The following AIDA variants were observed in gnomAD, a reference collection of about 807,000 sequenced individuals.
The protein encoded by AIDA is axin interactor, dorsalization associated, also known as axin interactor, dorsalization-associated protein.
AIDA carries 18 observed loss-of-function variants against 42.7 expected under a neutral mutation model. The ratio of observed to expected loss-of-function variants is 0.42; its 90% CI spans 0.29 to 0.63. The LOEUF is 0.63. AIDA is among the 20% of genes least tolerant of loss of function. AIDA has a pLI of 0.19. For synonymous variants in AIDA, 104 were observed against 122.9 expected, an observed-to-expected ratio of 0.85 and a Z score of 1.02; for missense variants, 250 against 354.1, an observed-to-expected ratio of 0.71 and a Z score of 2.36.
intron 2 of AIDA, among the ~76,000 whole-genome samples, chr1:222,702,240 T>C (rs1655729600): frequency 6.6e-6 from 1 of 152,194 alleles, no homozygotes; most frequent in East Asian, 1.9e-4. Context: ...AAAATGGATG[T>C]TGTTAGGCTT....
chr1:222,689,481 G>GTGTATGTGTA (rs1253190601), intron 4 of AIDA, among the ~76,000 whole-genome samples: 7 of 35,330 alleles, frequency 2.0e-4, no homozygotes, highest in African/African-American at 5.2e-4. Flanking sequence ...GTGTGTGTGT[G>GTGTATGTGTA]TATATATATA....
At chr1:222,710,646 C>G (rs760548423) in intron 1 of AIDA, among the ~76,000 whole-genome samples, 37 of 152,162 alleles carry the variant, frequency 2.4e-4, no homozygotes, top group Admixed American at 2.0e-4. Flanking sequence ...AAAATCTTAT[C>G]ATTTGTCTAA....
chr1:222,670,841 A>G (rs1664434072), intron 8 of AIDA, among the ~76,000 whole-genome samples: 1 of 152,218 alleles, frequency 6.6e-6, no homozygotes, highest in African/African-American at 2.4e-5. Context: ...TTGTGTCAAG[A>G]CAGTGCTGTA....
At chr1:222,695,050 A>C (rs151115713) in intron 2 of AIDA, among the ~76,000 whole-genome samples, 13 of 152,358 alleles carry the variant, frequency 8.5e-5, no homozygotes, top group Middle Eastern at 3.4e-3. Flanking sequence ...AAGCAGGCAG[A>C]AAAGTAAAGT....
chr1:222,696,040 C>T (rs556179406), intron 2 of AIDA, among the ~76,000 whole-genome samples: 4 of 151,846 alleles, frequency 2.6e-5, no homozygotes, highest in African/African-American at 9.7e-5. Context: ...GACTCGATGC[C>T]GAAGAATAAG....
At chr1:222,685,194 G>A (rs1230916753) in intron 6 of AIDA, among the ~76,000 whole-genome samples, 2 of 152,276 alleles carry the variant, frequency 1.3e-5, no homozygotes, top group South Asian at 2.1e-4. Context: ...ATGTAGAGAG[G>A]ATGACAAGCG....
Position 222,679,358 on chromosome 1 carries a change from G to T in AIDA, c.461-3140C>A, listed in dbSNP as rs75608207. Among the ~76,000 whole-genome samples the T allele has an allele frequency of 3.6e-3, 551 of 152,202 alleles. 24 individuals carry two copies. The East Asian group carries it at 0.094, about 26-fold the overall frequency. ...ATAAAACTTGAAGACTGTAACTGAA[G>T]TAAGAAAAGAAATCATACATGAGCC... On this transcript the variant is annotated intron_variant, in intron 6 of 9. Coordinates refer to ENST00000340020, the MANE Select transcript of AIDA (RefSeq NM_022831.4).
rs1467297834 is a variant in AIDA at position 222,669,724 on chromosome 1, T to G, written c.*169A>C. The G allele has an allele frequency of 3.0e-5, 24 of 789,206 alleles. No homozygotes were observed. Among genetic ancestry groups the G allele is most frequent in the Non-Finnish European group, 4.2e-5 (21 of 501,312 alleles). The allele number at this position is 789,206 out of a possible 1,614,324, so 48.9% of individuals were successfully genotyped here. Reference sequence around the variant, plus strand: ...AGGAGTCCTATACGTCAGTGTGATGTGCTGGACTCTGAATTCTGTGGTACA... The same window carrying G: ...AGGAGTCCTATACGTCAGTGTGATGGGCTGGACTCTGAATTCTGTGGTACA... On this transcript the variant is annotated 3_prime_UTR_variant, in exon 10 of 10. Transcript: ENST00000340020.
At chr1:222,688,580 T>C (rs1655262841) in intron 4 of AIDA, among the ~76,000 whole-genome samples, 1 of 152,064 alleles carries the variant, frequency 6.6e-6, no homozygotes, top group Non-Finnish European at 1.5e-5. Context: ...AGTGTACTTC[T>C]TCTACTTACT....
intron 9 of AIDA, 39 bp downstream of exon 9, chr1:222,670,094 C>T: frequency 2.5e-6 from 4 of 1,606,716 alleles, no homozygotes; most frequent in Non-Finnish European, 3.4e-6. Flanking sequence ...ATACTAGTCA[C>T]CATCAAATTA....
chr1:222,694,254 C>G lies in AIDA; in HGVS notation c.190G>C (p.Gly64Arg), dbSNP rs1178838108. ...AATTCCAAGCATGTTGCAATTTTGC[C>G]TATGGTTTTCTGCAGGGGAATAAAA... ...EFTEEQKKTI[G>R]KIATCLELRS... Residue 64 changes from glycine to arginine, a missense_variant, in exon 3 of 10, where the codon GGC becomes CGC. Gly to Arg is a moderately radical substitution (Grantham distance 125). Around this residue, in one of 4 missense-constraint regions of AIDA, gnomAD observed 199 missense variants for 232.6 expected, o/e 0.86. Transcript: ENST00000340020. 1 of 1,611,368 alleles carries G rather than the reference C, an allele frequency of 6.2e-7. No individual in the cohort carries two copies. Among genetic ancestry groups the G allele is most frequent in the Admixed American group, 1.7e-5 (1 of 59,546 alleles).
intron 1 of AIDA, among the ~76,000 whole-genome samples, chr1:222,710,017 C>A (rs556066736): frequency 6.6e-6 from 1 of 151,966 alleles, no homozygotes. Context: ...GAAATCCCAA[C>A]GATCCTAGAC....
Position 222,693,432 on chromosome 1 carries a change from T to C in AIDA, c.289+357A>G, listed in dbSNP as rs114719098. ...CAGAGCAGCTCCAACAGCTGGACTG[T>C]AGTTTTCAATGACATGTAGTGTAAA... On this transcript the variant is annotated intron_variant, in intron 4 of 9. Coordinates refer to ENST00000340020, the MANE Select transcript of AIDA (RefSeq NM_022831.4). Among the ~76,000 whole-genome samples, 647 of 152,254 alleles carry C rather than the reference T, an allele frequency of 4.2e-3. 2 individuals carry two copies. Among genetic ancestry groups the C allele is most frequent in the Middle Eastern group, 0.014 (4 of 294 alleles).
rs541533455 is a variant in AIDA at position 222,697,982 on chromosome 1, A to T, written c.181-3719T>A. 3.3e-5 allele frequency among the ~76,000 whole-genome samples: 5 copies of T among 151,948 alleles called. No individual in the cohort carries two copies. The South Asian group carries it at 1.0e-3, about 31-fold the overall frequency. ...GACAGGGAAACGCTTTCTAAGCATCATGAGACAGGATATTCTATTCTGTCC... is the reference window on the plus strand; with the variant it reads ...GACAGGGAAACGCTTTCTAAGCATCTTGAGACAGGATATTCTATTCTGTCC... On this transcript the variant is annotated intron_variant, in intron 2 of 9. Transcript: ENST00000340020.
At chr1:222,708,905 A>C (rs17163439) in intron 1 of AIDA, among the ~76,000 whole-genome samples, 4,486 of 152,242 alleles carry the variant, frequency 0.029, 230 homozygotes, top group African/African-American at 0.1. Context: ...TCAACTCCTT[A>C]ATGCTCCCAT....
chr1:222,694,385 T>C, intron 2 of AIDA, 122 bp from the exon 3 acceptor site: 1 of 873,024 alleles, frequency 1.1e-6, no homozygotes, highest in Non-Finnish European at 1.8e-6. Flanking sequence ...ATTTTATTTC[T>C]TTCTAGCATC....
intron 2 of AIDA, among the ~76,000 whole-genome samples, chr1:222,698,253 CAATT>C (rs1403133903): frequency 6.6e-6 from 1 of 151,980 alleles, no homozygotes; most frequent in Admixed American, 6.6e-5. Context: ...TATTTATCAC[CAATT>C]AATAAAGTTT....
chr1:222,705,693 G>C (rs1655820048), intron 1 of AIDA, among the ~76,000 whole-genome samples: 1 of 152,148 alleles, frequency 6.6e-6, no homozygotes, highest in Non-Finnish European at 1.5e-5. Flanking sequence ...GACCAGCCTA[G>C]CCAACATGGT....
At chr1:222,671,078 A>G (rs533188386) in intron 8 of AIDA, among the ~76,000 whole-genome samples, 26 of 151,942 alleles carry the variant, frequency 1.7e-4, no homozygotes, top group Admixed American at 1.4e-3. Context: ...AATTTTAAAA[A>G]TAGCCAGGCT....
Sources: gnomAD v4.1 joint callset for allele counts (sites outside exome capture counted in the v4.1 genomes callset) on GRCh38, gnomAD v4.1.1 for gene constraint, gnomAD v4.1.1 regional missense constraint, MANE v1.5 for transcripts, NCBI Gene and HGNC (gene_info 2026-07-23, HGNC 2026-07-21) for gene names.